The following B3GALT1 variants were observed in gnomAD, a reference collection of about 807,000 sequenced individuals.
The protein encoded by B3GALT1 is beta-1,3-galactosyltransferase 1.
A neutral mutation model predicts 23.2 loss-of-function variants in B3GALT1; 10 were observed. That is an observed-to-expected ratio of 0.43 (90% CI 0.27 to 0.73). The LOEUF is 0.73. B3GALT1 is among the 30% of genes least tolerant of loss of function. The probability of loss-of-function intolerance (pLI) is 0.21; values close to 1 mark genes in which losing one functional copy is unlikely to be tolerated. For synonymous variants in B3GALT1, 156 were observed against 141.5 expected, an observed-to-expected ratio of 1.10 and a Z score of -0.73; for missense variants, 299 against 405.4, an observed-to-expected ratio of 0.74 and a Z score of 2.25.
intron 2 of B3GALT1, among the ~76,000 whole-genome samples, chr2:167,639,189 C>T (rs746119206): frequency 2.0e-5 from 3 of 151,916 alleles, no homozygotes; most frequent in Non-Finnish European, 4.4e-5. Context: ...GAAAGTTACA[C>T]ATTATAAACC....
chr2:167,428,033 T>C (rs913876213), intron 1 of B3GALT1, among the ~76,000 whole-genome samples: 1 of 152,124 alleles, frequency 6.6e-6, no homozygotes. Flanking sequence ...CTAGAATGAA[T>C]GAAAGGGAAA....
At chr2:167,702,651 T>C (rs766723647) in intron 3 of B3GALT1, among the ~76,000 whole-genome samples, 7 of 152,226 alleles carry the variant, frequency 4.6e-5, no homozygotes, top group Admixed American at 1.3e-4. Flanking sequence ...GTGAATAATA[T>C]AACCATTCCT....
rs954749958 is a variant in B3GALT1, at chr2:167,495,326, CTT to C, written c.-410+5072_-410+5073del. Among the ~76,000 whole-genome samples the C allele has an allele frequency of 4.8e-3, 276 of 57,860 alleles. 1 individual carries two copies. Among genetic ancestry groups the C allele is most frequent in the East Asian group, 0.044 (88 of 2,010 alleles). The allele number at this position is 57,860 out of a possible 152,430, so 38.0% of individuals were successfully genotyped here. On this transcript the variant is annotated intron_variant, in intron 2 of 4. Transcript: ENST00000392690. ...TTGCTTTTTTCGCCAGCTTGCTTGC[CTT>C]TTTTTTTTTTTTTTTTTTTTTTGTG...
intron 1 of B3GALT1, among the ~76,000 whole-genome samples, chr2:167,408,353 T>C (rs1372328484): frequency 1.3e-5 from 2 of 152,152 alleles, no homozygotes; most frequent in Non-Finnish European, 2.9e-5. Context: ...AAATGGGTAT[T>C]GAAGGAACAT....
intron 2 of B3GALT1, among the ~76,000 whole-genome samples, chr2:167,588,359 T>A (rs901627408): frequency 1.3e-5 from 2 of 152,214 alleles, no homozygotes; most frequent in African/African-American, 4.8e-5. Context: ...AAGGTACTAG[T>A]ATAGATTCCA....
intron 1 of B3GALT1, among the ~76,000 whole-genome samples, chr2:167,451,277 T>C (rs1699086918): frequency 6.6e-6 from 1 of 152,160 alleles, no homozygotes; most frequent in Non-Finnish European, 1.5e-5. Context: ...TCTTGTTTTG[T>C]CATATTACCA....
chr2:167,773,818 G>C (rs1423155004), intron 3 of B3GALT1, among the ~76,000 whole-genome samples: 1 of 152,184 alleles, frequency 6.6e-6, no homozygotes, highest in East Asian at 1.9e-4. Flanking sequence ...AACAAAGTGG[G>C]AGCAACCATA....
chr2:167,789,991 T>C (rs996114697), intron 3 of B3GALT1, among the ~76,000 whole-genome samples: 1 of 152,158 alleles, frequency 6.6e-6, no homozygotes, highest in Non-Finnish European at 1.5e-5. Flanking sequence ...TGGTTCAAAC[T>C]TCTCTGGGGG....
intron 3 of B3GALT1, among the ~76,000 whole-genome samples, chr2:167,744,187 G>A (rs1687617578): frequency 6.6e-6 from 1 of 152,024 alleles, no homozygotes; most frequent in Non-Finnish European, 1.5e-5. Context: ...TTCTTGATAA[G>A]AATGCAATAT....
chr2:167,492,100 G>A (rs1699717407), intron 2 of B3GALT1, among the ~76,000 whole-genome samples: 3 of 151,982 alleles, frequency 2.0e-5, no homozygotes, highest in Admixed American at 1.3e-4. Context: ...GAATAGCTTC[G>A]CTGCTCTAAA....
intron 2 of B3GALT1, among the ~76,000 whole-genome samples, chr2:167,568,889 T>G (rs1684233291): frequency 6.6e-6 from 1 of 151,974 alleles, no homozygotes; most frequent in Non-Finnish European, 1.5e-5. Flanking sequence ...TCCATCTTAA[T>G]TTTGGGGAAA....
chr2:167,712,565 G>A (rs1005096259), intron 3 of B3GALT1, among the ~76,000 whole-genome samples: 2 of 151,974 alleles, frequency 1.3e-5, no homozygotes, highest in South Asian at 2.1e-4. Context: ...ATTTTTTAAA[G>A]TTTTGCGGGG....
intron 3 of B3GALT1, among the ~76,000 whole-genome samples, chr2:167,682,410 C>A (rs1686547750): frequency 6.6e-6 from 1 of 152,214 alleles, no homozygotes; most frequent in African/African-American, 2.4e-5. Flanking sequence ...ACAATGGTCC[C>A]ATTTGCATTG....
chr2:167,656,286 G>A (rs949156170), intron 3 of B3GALT1, among the ~76,000 whole-genome samples: 1 of 152,072 alleles, frequency 6.6e-6, no homozygotes, highest in Non-Finnish European at 1.5e-5. Context: ...TCATTCTTGG[G>A]TCTTCCTTAT....
At chr2:167,349,597 C>CA (rs1200192321) in intron 1 of B3GALT1, among the ~76,000 whole-genome samples, 1 of 152,074 alleles carries the variant, frequency 6.6e-6, no homozygotes, top group Non-Finnish European at 1.5e-5. Context: ...GAAACTTATG[C>CA]TAATTTTACT....
At chr2:167,725,071 T>C (rs1687290412) in intron 3 of B3GALT1, among the ~76,000 whole-genome samples, 2 of 152,232 alleles carry the variant, frequency 1.3e-5, no homozygotes, top group African/African-American at 4.8e-5. Context: ...GAGAGGTTCC[T>C]ATAATACAAA....
At chr2:167,582,048 A>G (rs1159847296) in intron 2 of B3GALT1, among the ~76,000 whole-genome samples, 1 of 152,150 alleles carries the variant, frequency 6.6e-6, no homozygotes, top group Non-Finnish European at 1.5e-5. Context: ...CTCCTCTCCA[A>G]TGAACTGATT....
chr2:167,354,882 C>T (rs1441003625), intron 1 of B3GALT1, among the ~76,000 whole-genome samples: 2 of 152,110 alleles, frequency 1.3e-5, no homozygotes, highest in African/African-American at 4.8e-5. Flanking sequence ...TCATCTTTAT[C>T]ACTCATATTA....
chr2:167,686,336 A>T (rs1477367801), intron 3 of B3GALT1, among the ~76,000 whole-genome samples: 1 of 152,192 alleles, frequency 6.6e-6, no homozygotes, highest in African/African-American at 2.4e-5. Context: ...CCTAGGCAAA[A>T]ACCTCACCTA....
Sources: allele counts gnomAD v4.1 joint callset (sites outside exome capture counted in the v4.1 genomes callset), GRCh38; gene constraint gnomAD v4.1.1; transcripts MANE v1.5; gene names NCBI Gene and HGNC (gene_info 2026-07-23, HGNC 2026-07-21).